Variants in RYR2 observed in about 807,000 individuals in gnomAD.
The protein encoded by RYR2 is cardiac muscle ryanodine receptor-calcium release channel.
Under a neutral mutation model 601.1 loss-of-function variants are expected in RYR2, and 227 were observed. The observed-to-expected ratio is 0.38, with a 90% CI of 0.34 to 0.42. The LOEUF is 0.42. Ranked by LOEUF, RYR2 falls within the 10% of genes least tolerant of loss-of-function variation. RYR2 has a pLI of 1.00. For missense variants in RYR2, 4,646 were observed against 6,156.5 expected, an observed-to-expected ratio of 0.75 and a Z score of 8.21; for synonymous variants, 2,223 against 2,175.1, an observed-to-expected ratio of 1.02 and a Z score of -0.61.
intron 87 of RYR2, among the ~76,000 whole-genome samples, chr1:237,775,623 A>G (rs532417400): frequency 6.6e-6 from 1 of 152,350 alleles, no homozygotes; most frequent in East Asian, 1.9e-4. Context: ...ATTGAAATAA[A>G]TGGAATTACC....
intron 1 of RYR2, among the ~76,000 whole-genome samples, chr1:237,246,356 A>G (rs964363177): frequency 6.6e-6 from 1 of 151,968 alleles, no homozygotes. Flanking sequence ...TTGGCTTCCC[A>G]AAGTGCTGAG....
At chr1:237,150,835 T>C (rs1018022366) in intron 1 of RYR2, among the ~76,000 whole-genome samples, 13 of 152,120 alleles carry the variant, frequency 8.5e-5, no homozygotes, top group African/African-American at 3.1e-4. Flanking sequence ...TTCAAAAGCT[T>C]TAATTTTGCT....
At chr1:237,270,323 T>G (rs1324550034) in intron 1 of RYR2, 174 bp from the exon 2 acceptor site, 1 of 911,720 alleles carries the variant, frequency 1.1e-6, no homozygotes, top group Non-Finnish European at 1.7e-6. Context: ...AAATAAAAAG[T>G]ACGTGAGGGA....
chr1:237,195,587 A>G (rs1407617792), intron 1 of RYR2, among the ~76,000 whole-genome samples: 3 of 152,178 alleles, frequency 2.0e-5, no homozygotes, highest in Non-Finnish European at 4.4e-5. Flanking sequence ...TTTTCTATAC[A>G]TTCATTAGGA....
chr1:237,573,972 C>A (rs1174519323), intron 29 of RYR2, among the ~76,000 whole-genome samples: 4 of 152,212 alleles, frequency 2.6e-5, no homozygotes, highest in Admixed American at 2.6e-4. Context: ...GAGCAAGGCT[C>A]TCATTCCCTC....
intron 12 of RYR2, among the ~76,000 whole-genome samples, chr1:237,436,454 C>CCTTTTTTTTTTTTTTT (rs1707367559): frequency 2.1e-5 from 1 of 48,730 alleles, no homozygotes; most frequent in Admixed American, 2.5e-4. Flanking sequence ...TGTGATTTTC[C>CCTTTTTTTTTTTTTTT]TTTTTTTTTT....
At chr1:237,677,976 C>T (rs1301575771) in intron 60 of RYR2, 72 bp from the exon 61 acceptor site, 6 of 935,024 alleles carry the variant, frequency 6.4e-6, no homozygotes, top group Non-Finnish European at 8.6e-6. Flanking sequence ...GCTTTCTAAC[C>T]TTTGCATTAT....
At chr1:237,185,265 G>A (rs1006382429) in intron 1 of RYR2, among the ~76,000 whole-genome samples, 2 of 152,096 alleles carry the variant, frequency 1.3e-5, no homozygotes, top group Non-Finnish European at 2.9e-5. Context: ...CTCCCAAATT[G>A]CTGTTACGGG....
At chr1:237,213,753 T>C (rs1258476191) in intron 1 of RYR2, among the ~76,000 whole-genome samples, 1 of 152,006 alleles carries the variant, frequency 6.6e-6, no homozygotes, top group Non-Finnish European at 1.5e-5. Context: ...TCATCTGATC[T>C]ATATTTTATT....
chr1:237,502,470 T>C (rs1664742240), intron 21 of RYR2, among the ~76,000 whole-genome samples: 1 of 152,168 alleles, frequency 6.6e-6, no homozygotes, highest in Non-Finnish European at 1.5e-5. Flanking sequence ...AGACAATTTT[T>C]CTACGGGCCA....
At chr1:237,531,413 A>T (rs1254914663) in intron 25 of RYR2, among the ~76,000 whole-genome samples, 1 of 152,176 alleles carries the variant, frequency 6.6e-6, no homozygotes, top group Non-Finnish European at 1.5e-5. Flanking sequence ...TAGCTGTTTC[A>T]TATTACTTTC....
chr1:237,675,777 T>C (rs1326072439), intron 60 of RYR2, among the ~76,000 whole-genome samples: 2 of 152,124 alleles, frequency 1.3e-5, no homozygotes, highest in Admixed American at 1.3e-4. Flanking sequence ...ATTTTCTTCT[T>C]TCTGGCCTCT....
chr1:237,818,966 A>G (rs1662136411), intron 100 of RYR2, 70 bp from the exon 101 acceptor site: 1 of 1,389,344 alleles, frequency 7.2e-7, no homozygotes, highest in Non-Finnish European at 1.0e-6. Flanking sequence ...CTACAGAGAT[A>G]ACTCGGGTTT....
chr1:237,119,429 T>C (rs1019362212), intron 1 of RYR2, among the ~76,000 whole-genome samples: 22 of 152,170 alleles, frequency 1.4e-4, no homozygotes, highest in African/African-American at 5.3e-4. Flanking sequence ...TGTGCATGTG[T>C]GTGCGTGTGT....
chr1:237,542,370 A>G (rs569758005), intron 25 of RYR2, among the ~76,000 whole-genome samples: 4 of 152,248 alleles, frequency 2.6e-5, no homozygotes, highest in African/African-American at 9.6e-5. Context: ...ATTAGTTCCT[A>G]GAATAGCACC....
At chr1:237,673,360 A>T (rs1685124005) in intron 58 of RYR2, among the ~76,000 whole-genome samples, 1 of 152,232 alleles carries the variant, frequency 6.6e-6, no homozygotes, top group South Asian at 2.1e-4. Context: ...ATTTTTACAT[A>T]ATTTATAATT....
chr1:237,399,014 TA>T (rs1215982025), intron 10 of RYR2, among the ~76,000 whole-genome samples: 2 of 152,144 alleles, frequency 1.3e-5, no homozygotes, highest in East Asian at 3.9e-4. Context: ...ACCAACATGG[TA>T]AAACCCTGTC....
At chr1:237,385,978 T>C (rs1227954508) in intron 8 of RYR2, among the ~76,000 whole-genome samples, 1 of 152,228 alleles carries the variant, frequency 6.6e-6, no homozygotes, top group East Asian at 1.9e-4. Flanking sequence ...TATGATTTAT[T>C]TGTAAACAAT....
intron 51 of RYR2, among the ~76,000 whole-genome samples, chr1:237,653,518 G>A (rs565816796): frequency 1.8e-4 from 27 of 152,278 alleles, no homozygotes; most frequent in South Asian, 6.2e-4. Flanking sequence ...AAAATTGGGC[G>A]TCTGGTCTTC....
Sources: gnomAD v4.1 joint callset for allele counts (sites outside exome capture counted in the v4.1 genomes callset) on GRCh38, gnomAD v4.1.1 for gene constraint, MANE v1.5 for transcripts, NCBI Gene and HGNC (gene_info 2026-07-23, HGNC 2026-07-21) for gene names.